The following SSBP4 variants were observed in gnomAD, a reference collection of about 807,000 sequenced individuals.
The protein encoded by SSBP4 is single stranded DNA binding protein 4.
A neutral mutation model predicts 64.6 loss-of-function variants in SSBP4; 33 were observed. The ratio of observed to expected loss-of-function variants is 0.51; its 90% confidence interval spans 0.39 to 0.68. SSBP4 has a LOEUF of 0.68. Among genes scored for constraint, SSBP4 ranks in the 30% least tolerant of loss-of-function variants. SSBP4 has a pLI of 0.00. For missense variants in SSBP4, 583 were observed against 566.8 expected (o/e 1.03, Z -0.29); for synonymous variants, 243 against 224.0 (o/e 1.08, Z -0.76).
chr19:18,417,630 C>T (rs1016080649), upstream of SSBP4, among the ~76,000 whole-genome samples: 1 of 152,200 alleles, frequency 6.6e-6, no homozygotes, highest in Non-Finnish European at 1.5e-5. The surrounding 1 kb of genome is among the most constrained non-coding windows in gnomAD (Gnocchi z 5.4). Flanking sequence ...GTCGCCAGCC[C>T]GAGGCCCTGC....
intron 4 of SSBP4, among the ~76,000 whole-genome samples, chr19:18,429,763 C>T (rs547836263): frequency 3.9e-5 from 6 of 152,216 alleles, no homozygotes; most frequent in African/African-American, 1.2e-4. Context: ...TTGTTTTGGG[C>T]CTTGGGAGTG....
intron 15 of SSBP4, 53 bp from the exon 16 acceptor site, chr19:18,433,532 G>A (rs764774656): frequency 3.2e-4 from 490 of 1,545,126 alleles, no homozygotes; most frequent in Non-Finnish European, 4.0e-4. Context: ...GGAGGCCGAG[G>A]GGCATGGCGC....
upstream of SSBP4, among the ~76,000 whole-genome samples, chr19:18,417,830 T>C (rs1217425067): frequency 6.6e-6 from 1 of 151,476 alleles, no homozygotes; most frequent in Admixed American, 6.6e-5. The surrounding 1 kb of genome is among the most constrained non-coding windows in gnomAD (Gnocchi z 5.4). Context: ...TCCGCGGGTC[T>C]GGAGCCCCGG....
Position 18,434,418 on chromosome 19 carries a change from A to C in SSBP4, c.*172A>C, listed in dbSNP as rs1248570409. ...TTACCATTTTATTAAAAACGCAAGG[A>C]CCTCAGAGACGTTCTTTTCTGTATG... On this transcript the variant is annotated 3_prime_UTR_variant, in exon 18 of 18. Coordinates refer to ENST00000270061, the MANE Select transcript of SSBP4 (RefSeq NM_032627.5). 3.3e-6 allele frequency: 4 copies of C among 1,225,680 alleles called. No individual in the cohort carries two copies. Among genetic ancestry groups the C allele is most frequent in the Non-Finnish European group, 4.3e-6 (4 of 927,890 alleles). 75.9% of individuals were successfully genotyped at this position (1,225,680 alleles called of 1,614,324 possible).
the SSBP4 span, among the ~76,000 whole-genome samples, chr19:18,402,892 G>A: frequency 6.6e-6 from 1 of 152,138 alleles, no homozygotes; most frequent in African/African-American, 2.4e-5. Flanking sequence ...ACCCGTGAAG[G>A]GTCTGTGCTG....
the SSBP4 span, among the ~76,000 whole-genome samples, chr19:18,405,905 G>A: frequency 6.6e-6 from 1 of 151,686 alleles, no homozygotes; most frequent in Non-Finnish European, 1.5e-5. Flanking sequence ...GCAGGAGAAT[G>A]GTGTGCACCT....
intron 4 of SSBP4, among the ~76,000 whole-genome samples, chr19:18,429,735 C>T (rs1319129541): frequency 6.6e-6 from 1 of 152,006 alleles, no homozygotes; most frequent in Non-Finnish European, 1.5e-5. Context: ...GAGTAGGGCA[C>T]GAGGGCTTTC....
At chr19:18,431,561 G>C (rs943485071) in intron 6 of SSBP4, 86 bp from the exon 7 acceptor site, 4 of 1,485,622 alleles carry the variant, frequency 2.7e-6, no homozygotes, top group Non-Finnish European at 9.0e-7. Flanking sequence ...GGCTCCCCAG[G>C]TCGGGGGCCC....
the SSBP4 span, among the ~76,000 whole-genome samples, chr19:18,403,861 A>G: frequency 6.6e-6 from 1 of 152,028 alleles, no homozygotes; most frequent in Non-Finnish European, 1.5e-5. Context: ...TCAAGGCTCC[A>G]CTGGCCTCAT....
At chr19:18,412,491 G>A in the SSBP4 span, among the ~76,000 whole-genome samples, 5 of 151,432 alleles carry the variant, frequency 3.3e-5, no homozygotes, top group Admixed American at 6.6e-5. Context: ...AGGAGGAGGC[G>A]GAGGCTGGAG....
At chr19:18,430,664 G>A (rs188893783) in intron 4 of SSBP4, among the ~76,000 whole-genome samples, 177 bp from the exon 5 acceptor site, 10 of 152,260 alleles carry the variant, frequency 6.6e-5, no homozygotes, top group South Asian at 2.1e-4. Context: ...TGGATCCTGC[G>A]TCCTACAGGG....
chr19:18,428,740 C>G (rs778518341), intron 4 of SSBP4, among the ~76,000 whole-genome samples: 3 of 152,110 alleles, frequency 2.0e-5, no homozygotes, highest in East Asian at 1.9e-4. Flanking sequence ...AGAGGCGGCC[C>G]GAGGGGTGGG....
chr19:18,419,744 G>A (rs1209301065), intron 1 of SSBP4, 37 bp downstream of exon 1: 4 of 1,127,316 alleles, frequency 3.5e-6, no homozygotes, highest in Non-Finnish European at 2.2e-6. Flanking sequence ...CGGCGTCCGC[G>A]CTCTTCCGTG....
the SSBP4 span, among the ~76,000 whole-genome samples, chr19:18,409,306 C>A: frequency 6.6e-6 from 1 of 151,160 alleles, no homozygotes; most frequent in African/African-American, 2.4e-5. Flanking sequence ...CTCGCCTCAG[C>A]CTTCTGAGTA....
chr19:18,418,149 G>A (rs1295718323), upstream of SSBP4, among the ~76,000 whole-genome samples: 1 of 152,126 alleles, frequency 6.6e-6, no homozygotes, highest in African/African-American at 2.4e-5. This position sits in a 1 kb window ranked among gnomAD's most constrained non-coding sequence, Gnocchi z 6.7. Context: ...AGGGACAGTC[G>A]CCGAGACAGC....
At chr19:18,409,209 C>T in the SSBP4 span, among the ~76,000 whole-genome samples, 1 of 139,574 alleles carries the variant, frequency 7.2e-6, no homozygotes, top group East Asian at 2.1e-4. Flanking sequence ...TTTTTTGAGA[C>T]AGAGTCTCGC....
At position 18,433,357 on chromosome 19, in the gene SSBP4, C is replaced by A. The variant is rs12973950; in HGVS notation, c.991+144C>A. 3.4e-5 allele frequency: 44 copies of A among 1,275,390 alleles called. No individual in the cohort carries two copies. In the South Asian group the frequency reaches 5.9e-4, roughly 17 times the overall value. 79.0% of individuals were successfully genotyped at this position (1,275,390 alleles called of 1,614,324 possible). A position where few individuals can be genotyped will look rare whatever the true frequency, so the allele number is the denominator to read the frequency against. On this transcript the variant is annotated intron_variant, in intron 15 of 17. Coordinates refer to ENST00000270061, the MANE Select transcript of SSBP4 (RefSeq NM_032627.5). The stretch of plus-strand genomic sequence containing the variant: ...CCCGGGGGCCGCTCAGTGACAGGGG[C>A]TGCCCCGAGCTGGAGGGGGATCCAG...
chr19:18,433,277 C>G, intron 15 of SSBP4, 64 bp downstream of exon 15: 1 of 1,517,208 alleles, frequency 6.6e-7, no homozygotes. Flanking sequence ...CTGGCTGCTT[C>G]CCCCTGCCGT....
At chr19:18,416,656 G>A (rs1311988718), upstream of SSBP4, among the ~76,000 whole-genome samples, 1 of 152,200 alleles carries the variant, frequency 6.6e-6, no homozygotes, top group East Asian at 1.9e-4. Context: ...CCCGGCCACG[G>A]CTGCTTCCTG....
Sources: allele counts gnomAD v4.1 joint callset (sites outside exome capture counted in the v4.1 genomes callset), GRCh38; gene constraint gnomAD v4.1.1; non-coding constraint Gnocchi (gnomAD v3.1); transcripts MANE v1.5; gene names NCBI Gene and HGNC (gene_info 2026-07-23, HGNC 2026-07-21).